PLA2G7: variants seen among roughly 807,000 people sequenced by gnomAD.
The protein encoded by PLA2G7 is phospholipase A2 group VII, also known as platelet-activating factor acetylhydrolase.
A neutral mutation model predicts 49.6 loss-of-function variants in PLA2G7; 63 were observed. The ratio of observed to expected loss-of-function variants is 1.27; its 90% CI spans 1.04 to 1.57. The LOEUF (loss-of-function observed/expected upper bound fraction) is 1.57. Ranked by LOEUF, PLA2G7 falls within the 40% of genes most tolerant of loss-of-function variation. The pLI is 0.00. For synonymous variants in PLA2G7, 193 were observed against 169.9 expected, an observed-to-expected ratio of 1.14 and a Z score of -1.06; for missense variants, 596 against 521.2, an observed-to-expected ratio of 1.14 and a Z score of -1.40.
rs748980846 is a variant in PLA2G7 at position 46,711,615 on chromosome 6, T to C, written c.544A>G (p.Arg182Gly). The C allele has an allele frequency of 2.5e-6, 4 of 1,613,454 alleles. No homozygotes were observed. The African/African-American group carries it at 5.3e-5, about 22-fold the overall frequency. The change falls in exon 7 of 12, where the codon AGA becomes GGA. Residue 182 changes from arginine (R) to glycine (G), a missense_variant. Physicochemically the swap from Arg to Gly is moderately radical, Grantham distance 125 (BLOSUM62 -2). Transcript: ENST00000274793. ...FIVAAVEHRD[R>G]SASATYYFKD... ...AAATAGTAAGTTGCAGATGCAGATC[T>C]ATCTCTATAATACAAGCAAAATTAT...
At chr6:46,708,527 C>T (rs984910189) in intron 9 of PLA2G7, among the ~76,000 whole-genome samples, 1 of 152,068 alleles carries the variant, frequency 6.6e-6, no homozygotes, top group African/African-American at 2.4e-5. Context: ...AGCTTTTATG[C>T]ACCTTGTAGT....
At chr6:46,717,716 T>C (rs1021624917) in intron 2 of PLA2G7, among the ~76,000 whole-genome samples, 6 of 6,764 alleles carry the variant, frequency 8.9e-4, no homozygotes, top group East Asian at 0.01. Context: ...TTTCTTTTTC[T>C]TTTTTTTTTT....
intron 2 of PLA2G7, among the ~76,000 whole-genome samples, chr6:46,717,911 T>C (rs752601308): frequency 3.3e-5 from 5 of 151,948 alleles, no homozygotes; most frequent in Admixed American, 6.6e-5. Context: ...AGAGACGGGG[T>C]TTCACCACGT....
At chr6:46,732,574 T>C (rs760263060) in intron 1 of PLA2G7, among the ~76,000 whole-genome samples, 34 of 150,972 alleles carry the variant, frequency 2.3e-4, no homozygotes, top group South Asian at 4.2e-4. Flanking sequence ...TTTTTTGAAG[T>C]GAATGAATGA....
rs1309646104 is a variant in PLA2G7 at position 46,707,861 on chromosome 6, TAATTCTCTCCTTATTGAAAGTCTAAAC to T, written c.1040+103_1040+129del. The T allele has an allele frequency of 7.4e-5, 47 of 632,454 alleles. 1 individual carries two copies. In the South Asian group the frequency reaches 8.1e-4, roughly 11 times the overall value. 39.2% of individuals were successfully genotyped at this position (632,454 alleles called of 1,614,324 possible). ...AATGTACTTAGAAACTGAGATTATC[TAATTCTCTCCTTATTGAAAGTCTAAAC>T]AACCAATTCAGCAATTCTTTAATAG... On this transcript the variant is annotated intron_variant, in intron 10 of 11. Transcript: ENST00000274793.
chr6:46,704,660 A>G lies in PLA2G7; in HGVS notation c.1226T>C (p.Ile409Thr), dbSNP rs1371050257. ...AATAAGATTCTCATCATCTCCTTCA[A>G]TCAAGCAGTCCCACTGATCAAAATC... is the stretch of plus-strand genomic sequence containing the variant. ...HKDFDQWDCL[I>T]EGDDENLIPG... Residue 409 changes from isoleucine to threonine, a missense_variant, in exon 12 of 12, where the codon ATT (isoleucine) becomes ACT (threonine). Transcript: ENST00000274793. The G allele has an allele frequency of 2.5e-5, 40 of 1,578,646 alleles. No individual in the cohort carries two copies. The highest frequency in any genetic ancestry group is 3.2e-5 in the Non-Finnish European group (37 of 1,147,634).
chr6:46,714,367 G>A (rs1028097213), intron 5 of PLA2G7, 93 bp downstream of exon 5: 12 of 827,800 alleles, frequency 1.4e-5, no homozygotes, highest in Non-Finnish European at 2.1e-5. Context: ...ACAAGGGCCT[G>A]CATGACATTC....
chr6:46,717,115 T>C lies in PLA2G7; in HGVS notation c.110-19A>G. The C allele has an allele frequency of 6.2e-7, 1 of 1,605,694 alleles. No individual in the cohort carries two copies. The highest frequency in any genetic ancestry group is 8.5e-7 in the Non-Finnish European group (1 of 1,172,328). ...ACCCATGCTGAAAAACAGGTAAATA[T>C]TATCTCATTTGTCATCCATTACATA... On this transcript the variant is annotated intron_variant, in intron 2 of 11. Transcript: ENST00000274793.
chr6:46,704,456 TCTCTCTCTCTCTCTCTCTCTCTCACACA>T lies in PLA2G7; in HGVS notation c.*76_*103del. 1.7e-6 allele frequency: 1 copy of T among 574,000 alleles called. No individual in the cohort carries two copies. Among genetic ancestry groups the T allele is most frequent in the African/African-American group, 3.7e-5 (1 of 26,932 alleles). 35.6% of individuals were successfully genotyped at this position (574,000 alleles called of 1,614,324 possible). The stretch of plus-strand genomic sequence containing the variant: ...TACATTAAAATTCTCTCTCTCTCTC[TCTCTCTCTCTCTCTCTCTCTCTCACACA>T]CACACACACACACACACACACACAC... On this transcript the variant is annotated 3_prime_UTR_variant, in exon 12 of 12. Transcript: ENST00000274793.
chr6:46,731,943 T>G (rs1229548550), intron 1 of PLA2G7, among the ~76,000 whole-genome samples: 9 of 152,182 alleles, frequency 5.9e-5, no homozygotes, highest in African/African-American at 1.4e-4. Context: ...TCTGGCCTTC[T>G]TCTGTCCCCT....
intron 4 of PLA2G7, among the ~76,000 whole-genome samples, chr6:46,715,174 T>G (rs1013660162): frequency 6.6e-6 from 1 of 152,172 alleles, no homozygotes; most frequent in South Asian, 2.1e-4. Flanking sequence ...TTGGAAAAAT[T>G]TTAAAGGGAA....
At position 46,734,864 on chromosome 6, in the gene PLA2G7, A is replaced by AG. The variant is rs1562084166; in HGVS notation, c.-35+315_-35+316insC. ...AACGAAAGAAAGAGAGAGAGAGAGA[A>AG]AAAAAAGAAAAGAAAACTCCATGTG... On this transcript the variant is annotated intron_variant, in intron 1 of 11. Coordinates refer to ENST00000274793, the MANE Select transcript of PLA2G7 (RefSeq NM_005084.4). 2.1e-4 allele frequency among the ~76,000 whole-genome samples: 32 copies of AG among 151,758 alleles called. 2 individuals carry two copies. The South Asian group carries it at 6.2e-3, about 30-fold the overall frequency.
intron 1 of PLA2G7, among the ~76,000 whole-genome samples, chr6:46,726,743 G>T (rs1249472595): frequency 4.6e-5 from 7 of 152,002 alleles, no homozygotes; most frequent in Admixed American, 4.6e-4. Flanking sequence ...CCAGGTTCAA[G>T]TGATTCTCCT....
chr6:46,710,203 C>T (rs1764965069), intron 8 of PLA2G7, among the ~76,000 whole-genome samples: 1 of 152,100 alleles, frequency 6.6e-6, no homozygotes, highest in South Asian at 2.1e-4. Flanking sequence ...CCACCCGCTC[C>T]CAAACTTGTG....
intron 2 of PLA2G7, among the ~76,000 whole-genome samples, chr6:46,719,319 C>A (rs1184384276): frequency 6.6e-6 from 1 of 152,166 alleles, no homozygotes. Context: ...AAACACCTGC[C>A]CATGATGAAG....
chr6:46,727,049 T>C (rs1205873314), intron 1 of PLA2G7, among the ~76,000 whole-genome samples: 1 of 152,166 alleles, frequency 6.6e-6, no homozygotes, highest in Non-Finnish European at 1.5e-5. Flanking sequence ...AATATCATCC[T>C]GGCAATCAAG....
intron 1 of PLA2G7, among the ~76,000 whole-genome samples, chr6:46,724,240 T>G (rs936684746): frequency 1.3e-5 from 2 of 152,042 alleles, no homozygotes; most frequent in African/African-American, 4.8e-5. Context: ...ACCTTGTATG[T>G]TATTTGTTAG....
At chr6:46,713,730 A>C (rs1200811454) in intron 5 of PLA2G7, among the ~76,000 whole-genome samples, 1 of 152,212 alleles carries the variant, frequency 6.6e-6, no homozygotes, top group African/African-American at 2.4e-5. Context: ...TGTTGTTATG[A>C]AAATGTGCCA....
intron 1 of PLA2G7, among the ~76,000 whole-genome samples, chr6:46,733,638 G>T (rs1295615395): frequency 6.6e-6 from 1 of 152,234 alleles, no homozygotes; most frequent in Non-Finnish European, 1.5e-5. Context: ...AAATGCCAAG[G>T]TGGTGCGCTG....
Sources: gnomAD v4.1 joint callset for allele counts (sites outside exome capture counted in the v4.1 genomes callset) on GRCh38, gnomAD v4.1.1 for gene constraint, MANE v1.5 for transcripts, NCBI Gene and HGNC (gene_info 2026-07-23, HGNC 2026-07-21) for gene names.